EBLN1: variants seen among roughly 807,000 people sequenced by gnomAD.
EBLN1 encodes the protein endogenous Bornavirus-like nucleoprotein 1.
In EBLN1, 1 loss-of-function variant was observed where a neutral mutation model predicts 0.8. The observed-to-expected ratio is 1.32, with a 90% CI of 0.47 to 6.26. The LOEUF (loss-of-function observed/expected upper bound fraction) is 6.26, where lower values mean the gene tolerates loss of function less well. EBLN1 is among the 30% of genes most tolerant of loss of function. EBLN1 has a pLI of 0.15. For synonymous variants in EBLN1, 158 were observed against 158.5 expected (o/e 1.00, Z 0.02); for missense variants, 396 against 447.9 (o/e 0.88, Z 1.05).
intron 1 of EBLN1, among the ~76,000 whole-genome samples, chr10:22,215,406 C>T (rs1220027368): frequency 2.6e-5 from 4 of 152,006 alleles, no homozygotes; most frequent in Non-Finnish European, 4.4e-5. Context: ...AAAGTATGCC[C>T]AGCCAAATCA....
At chr10:22,212,747 C>T (rs565425437) in intron 2 of EBLN1, among the ~76,000 whole-genome samples, 95 bp downstream of exon 2, 16 of 149,980 alleles carry the variant, frequency 1.1e-4, no homozygotes, top group South Asian at 1.1e-3. Context: ...TCCAGGAGTT[C>T]GAGACCAGCC....
At chr10:22,216,261 C>CAAAACA (rs748743903) in intron 1 of EBLN1, among the ~76,000 whole-genome samples, 3 of 151,626 alleles carry the variant, frequency 2.0e-5, no homozygotes, top group Admixed American at 1.3e-4. Context: ...AAACACATTG[C>CAAAACA]AAAACAAAAA....
intron 1 of EBLN1, among the ~76,000 whole-genome samples, 94 bp from the exon 2 acceptor site, chr10:22,213,059 C>T (rs1370468595): frequency 6.6e-6 from 1 of 152,032 alleles, no homozygotes; most frequent in Non-Finnish European, 1.5e-5. Flanking sequence ...CTACACTCTG[C>T]ATTATGGACA....
intron 2 of EBLN1, among the ~76,000 whole-genome samples, chr10:22,211,009 T>C (rs928482108): frequency 2.6e-5 from 4 of 152,250 alleles, no homozygotes; most frequent in African/African-American, 7.2e-5. Flanking sequence ...TAATATTGCA[T>C]GCCCTGCTTT....
In EBLN1 at chr10:22,217,922, G is replaced by A. The variant is rs1024841036; in HGVS notation, c.-175C>T. ...GGAGGTTTAATTGACTCACAGTTCT[G>A]CATGGCTGGGAAGGCCTCAGGAAAC... On this transcript the variant is annotated 5_prime_UTR_variant, in exon 1 of 3. It introduces an in-frame stop codon into an upstream open reading frame of the 5' UTR. Coordinates refer to ENST00000422359, the MANE Select transcript of EBLN1 (RefSeq NM_001394757.1). Among the ~76,000 whole-genome samples, 8 of 152,300 alleles carry A rather than the reference G, an allele frequency of 5.3e-5. No homozygotes were observed. The highest frequency in any genetic ancestry group is 2.1e-4 in the South Asian group (1 of 4,828).
At chr10:22,216,534 G>GA (rs1233863676) in intron 1 of EBLN1, among the ~76,000 whole-genome samples, 1 of 152,052 alleles carries the variant, frequency 6.6e-6, no homozygotes, top group Non-Finnish European at 1.5e-5. Flanking sequence ...TACTCTTCTG[G>GA]AAAAATATCT....
At chr10:22,215,731 A>G (rs1834787577) in intron 1 of EBLN1, among the ~76,000 whole-genome samples, 1 of 151,958 alleles carries the variant, frequency 6.6e-6, no homozygotes, top group Non-Finnish European at 1.5e-5. Context: ...CCTAAATATG[A>G]AAGAAAAAAA....
At position 22,209,321 on chromosome 10, in the gene EBLN1, T is replaced by C. The variant is rs746537765; in HGVS notation, c.663A>G (p.Leu221=). The C allele has an allele frequency of 3.1e-6, 5 of 1,601,424 alleles. No homozygotes were observed. Among genetic ancestry groups the C allele is most frequent in the Middle Eastern group, 3.3e-4 (2 of 6,060 alleles). Residue 221 remains leucine (L), a synonymous_variant, in exon 3 of 3, where the codon CTA becomes CTG. Coordinates refer to ENST00000422359, the MANE Select transcript of EBLN1 (RefSeq NM_001394757.1). ...TGGCAACTACTTTAACTTGATCAAG[T>C]AGCTCGCACGCAGGGGATTCAAATT... is the stretch of plus-strand genomic sequence containing the variant. The part of the protein sequence containing the change: ...FGEFESPACE[L]LDQVKVVASK...
At chr10:22,216,947 G>A (rs563585278) in intron 1 of EBLN1, among the ~76,000 whole-genome samples, 217 of 152,206 alleles carry the variant, frequency 1.4e-3, no homozygotes, top group Non-Finnish European at 2.5e-3. Flanking sequence ...GTACACTTGA[G>A]CTTCAAGTCT....
In EBLN1 at chr10:22,214,053, T is replaced by C. The variant is rs935064025; in HGVS notation, c.-168-1088A>G. On this transcript the variant is annotated intron_variant, in intron 1 of 2. Coordinates refer to ENST00000422359, the MANE Select transcript of EBLN1 (RefSeq NM_001394757.1). ...AATTAATAATCAATAAAAGAGGCAA[T>C]ATCAAGACAAATTCAGCAGGGAAGA... Among the ~76,000 whole-genome samples the C allele has an allele frequency of 2.0e-5, 3 of 151,916 alleles. 1 individual carries two copies. The highest frequency in any genetic ancestry group is 2.0e-4 in the Admixed American group (3 of 15,260).
intron 2 of EBLN1, among the ~76,000 whole-genome samples, 163 bp downstream of exon 2, chr10:22,212,679 T>C (rs967079125): frequency 6.6e-6 from 1 of 152,082 alleles, no homozygotes; most frequent in African/African-American, 2.4e-5. Context: ...TTGGATGTGG[T>C]GTCTCGTGCC....
chr10:22,214,153 T>C (rs1159193232), intron 1 of EBLN1, among the ~76,000 whole-genome samples: 3 of 152,124 alleles, frequency 2.0e-5, no homozygotes, highest in African/African-American at 4.8e-5. Context: ...TTGCTGTTAG[T>C]CTTATACCAT....
intron 2 of EBLN1, 112 bp from the exon 3 acceptor site, chr10:22,210,139 T>A: frequency 9.8e-7 from 1 of 1,022,786 alleles, no homozygotes; most frequent in Non-Finnish European, 1.3e-6. Context: ...ATTCAGTTTT[T>A]TAGTCTAGTA....
rs1177747701 is a variant in EBLN1, at chr10:22,209,293, T to C, written c.691A>G (p.Lys231Glu). The C allele has an allele frequency of 3.1e-6, 5 of 1,596,164 alleles. No individual in the cohort carries two copies. Among genetic ancestry groups the C allele is most frequent in the Non-Finnish European group, 3.4e-6 (4 of 1,178,330 alleles). The change falls in exon 3 of 3, where the codon AAA becomes GAA. Residue 231 changes from lysine (K) to glutamate (E), a missense_variant. Coordinates refer to ENST00000422359, the MANE Select transcript of EBLN1 (RefSeq NM_001394757.1). ...LLDQVKVVAS[K>E]AQMMTYYTVR... ...GTGTAGTAGGTCATCATCTGTGCTTTGCTGGCAACTACTTTAACTTGATCA... is the reference window on the plus strand; with the variant it reads ...GTGTAGTAGGTCATCATCTGTGCTTCGCTGGCAACTACTTTAACTTGATCA...
Position 22,211,525 on chromosome 10 carries a change from C to A in EBLN1, c.-45+1317G>T, listed in dbSNP as rs182324625. 1.3e-3 allele frequency among the ~76,000 whole-genome samples: 205 copies of A among 152,062 alleles called. 2 individuals carry two copies. Among genetic ancestry groups the A allele is most frequent in the African/African-American group, 4.6e-3 (190 of 41,468 alleles). ...ATTTTTTTTTTGAGACAGGGTCTCA[C>A]TTTATCACCCAGGCTGGAGTGCAGT... On this transcript the variant is annotated intron_variant, in intron 2 of 2. Coordinates refer to ENST00000422359, the MANE Select transcript of EBLN1 (RefSeq NM_001394757.1).
intron 2 of EBLN1, among the ~76,000 whole-genome samples, chr10:22,212,163 C>G (rs1394763386): frequency 2.0e-5 from 3 of 152,146 alleles, no homozygotes; most frequent in Non-Finnish European, 1.5e-5. Context: ...TGGTGGGATG[C>G]TGTGGGTACT....
chr10:22,210,322 T>C (rs1046026136), intron 2 of EBLN1, among the ~76,000 whole-genome samples: 1 of 152,098 alleles, frequency 6.6e-6, no homozygotes, highest in Non-Finnish European at 1.5e-5. Context: ...AAGGTTTCCT[T>C]AAATTTAAAC....
At chr10:22,216,636 T>C (rs950258639) in intron 1 of EBLN1, among the ~76,000 whole-genome samples, 1 of 152,350 alleles carries the variant, frequency 6.6e-6, no homozygotes, top group Non-Finnish European at 1.5e-5. Context: ...ATTCTCATCA[T>C]TGGTAGTTTG....
At chr10:22,213,316 A>C (rs1588585588) in intron 1 of EBLN1, among the ~76,000 whole-genome samples, 2 of 152,240 alleles carry the variant, frequency 1.3e-5, no homozygotes, top group African/African-American at 4.8e-5. Context: ...GGAAAAGTAG[A>C]AAACAGATTT....
Sources: gnomAD v4.1 joint callset for allele counts (sites outside exome capture counted in the v4.1 genomes callset) on GRCh38, gnomAD v4.1.1 for gene constraint, MANE v1.5 for transcripts, NCBI Gene and HGNC (gene_info 2026-07-23, HGNC 2026-07-21) for gene names.